Variants in AGAP1 observed in about 807,000 individuals in gnomAD.
AGAP1 encodes ArfGAP with GTPase domain, ankyrin repeat and PH domain 1.
A neutral mutation model predicts 105.3 loss-of-function variants in AGAP1; 29 were observed. The observed-to-expected ratio is 0.28, with a 90% CI of 0.21 to 0.38. The LOEUF is 0.38. Among genes scored for constraint, AGAP1 ranks in the 10% least tolerant of loss-of-function variants. The probability of loss-of-function intolerance (pLI) is 1.00; values close to 1 mark genes in which losing one functional copy is unlikely to be tolerated. For missense variants in AGAP1, 998 were observed against 1,165.1 expected (o/e 0.86, Z 2.09); for synonymous variants, 509 against 485.9 (o/e 1.05, Z -0.63).
At position 235,788,048 on chromosome 2, in the gene AGAP1, C is replaced by T. The variant is rs993823297; in HGVS notation, c.674-9711C>T. 2.0e-5 allele frequency among the ~76,000 whole-genome samples: 3 copies of T among 152,166 alleles called. No homozygotes were observed. Among genetic ancestry groups the T allele is most frequent in the African/African-American group, 2.4e-5 (1 of 41,446 alleles). ...GACCTTCCTAGGCCATTGGCATCAA[C>T]GCTGCAGCCTCTGAGTCATGCATGC... On this transcript the variant is annotated intron_variant, in intron 6 of 17. Transcript: ENST00000304032. The surrounding 1 kb of genome is among the most constrained non-coding windows in gnomAD (Gnocchi z 6.0).
At chr2:235,807,665 G>A (rs1233925995) in intron 9 of AGAP1, among the ~76,000 whole-genome samples, 8 of 152,192 alleles carry the variant, frequency 5.3e-5, no homozygotes, top group Admixed American at 5.2e-4. Context: ...AACTCAGATC[G>A]CCTACAAGAG....
At chr2:235,679,075 C>G (rs1190923538) in intron 1 of AGAP1, among the ~76,000 whole-genome samples, 1 of 152,186 alleles carries the variant, frequency 6.6e-6, no homozygotes, top group African/African-American at 2.4e-5. Context: ...GAATGCTTTT[C>G]TGTTGGTTGT....
In AGAP1 at chr2:235,586,454, C is replaced by T. The variant is rs1945115492; in HGVS notation, c.163+91605C>T. On this transcript the variant is annotated intron_variant, in intron 1 of 17. Coordinates refer to ENST00000304032, the MANE Select transcript of AGAP1 (RefSeq NM_001037131.3). The surrounding 1 kb of genome is among the most constrained non-coding windows in gnomAD (Gnocchi z 4.2). ...TCCCCTGTGGAAGGCAAGGTGGAGG[C>T]AGCTGTTATGTGGTGTGTTGGATTC... Among the ~76,000 whole-genome samples the T allele has an allele frequency of 6.6e-6, 1 of 152,208 alleles. No homozygotes were observed.
chr2:236,058,993 A>G lies in AGAP1; in HGVS notation c.2114+9712A>G, dbSNP rs1049100138. On this transcript the variant is annotated intron_variant, in intron 16 of 17. Coordinates refer to ENST00000304032, the MANE Select transcript of AGAP1 (RefSeq NM_001037131.3). The surrounding 1 kb of genome is among the most constrained non-coding windows in gnomAD (Gnocchi z 4.6). ...TGCAGTGGGCCACAATCGCACCACC[A>G]CTTTCCAGCCTGGGGAACAGAGCAA... Among the ~76,000 whole-genome samples, 2 of 152,016 alleles carry G rather than the reference A, an allele frequency of 1.3e-5. No homozygotes were observed. The highest frequency in any genetic ancestry group is 2.4e-5 in the African/African-American group (1 of 41,362).
In AGAP1 at chr2:236,095,134, C is replaced by T. The variant is rs2059160769; in HGVS notation, c.2115-25058C>T. Among the ~76,000 whole-genome samples the T allele has an allele frequency of 1.3e-5, 2 of 150,774 alleles. No homozygotes were observed. The highest frequency in any genetic ancestry group is 3.0e-5 in the Non-Finnish European group (2 of 67,772). On this transcript the variant is annotated intron_variant, in intron 16 of 17. Transcript: ENST00000304032. The surrounding 1 kb of genome is among the most constrained non-coding windows in gnomAD (Gnocchi z 4.1). ...GGGGCAGGGCAGGCGTGGTGGTTGA[C>T]GCCTGTAATTCCAACACTTCGGGAG... is the stretch of plus-strand genomic sequence containing the variant.
chr2:235,934,865 G>A lies in AGAP1; in HGVS notation c.1483+3942G>A, dbSNP rs1043287933. On this transcript the variant is annotated intron_variant, in intron 12 of 17. Transcript: ENST00000304032. The surrounding 1 kb of genome is among the most constrained non-coding windows in gnomAD (Gnocchi z 4.9). Reference sequence around the variant, plus strand: ...TCTTACTCTAAAACATAATAATCACGGCAACATTGGGATTCACTGTTTCTC... The same window carrying A: ...TCTTACTCTAAAACATAATAATCACAGCAACATTGGGATTCACTGTTTCTC... Among the ~76,000 whole-genome samples, 3 of 152,010 alleles carry A rather than the reference G, an allele frequency of 2.0e-5. No homozygotes were observed. The highest frequency in any genetic ancestry group is 2.9e-5 in the Non-Finnish European group (2 of 67,996).
Position 236,128,075 on chromosome 2 carries a change from AC to A in AGAP1, c.*3965del, listed in dbSNP as rs34549453. On this transcript the variant is annotated 3_prime_UTR_variant, in exon 18 of 18. Transcript: ENST00000304032. The surrounding 1 kb of genome is among the most constrained non-coding windows in gnomAD (Gnocchi z 5.9). ...GAGGCTGTGATGGGCACGTTTGCCA[AC>A]CCCCCCCCCCCAGTAGAGCCCAGGA... 0.17 allele frequency: 21,481 copies of A among 128,454 alleles called. 1,722 individuals carry two copies. Among genetic ancestry groups the A allele is most frequent in the Middle Eastern group, 0.25 (60 of 240 alleles). 8.0% of individuals were successfully genotyped at this position (128,454 alleles called of 1,614,324 possible).
intron 1 of AGAP1, among the ~76,000 whole-genome samples, chr2:235,499,087 C>T (rs1941448427): frequency 6.6e-6 from 1 of 152,188 alleles, no homozygotes; most frequent in Admixed American, 6.5e-5. Context: ...CACAGACGCA[C>T]TGCTGAGGCC....
At chr2:235,907,817 C>T (rs1288267170) in intron 10 of AGAP1, among the ~76,000 whole-genome samples, 4 of 152,004 alleles carry the variant, frequency 2.6e-5, no homozygotes, top group African/African-American at 7.2e-5. Context: ...GCAATATTTT[C>T]TTATTTGTAT....
intron 12 of AGAP1, among the ~76,000 whole-genome samples, chr2:235,932,739 T>G (rs1405114411): frequency 3.3e-5 from 5 of 152,226 alleles, no homozygotes; most frequent in Non-Finnish European, 5.9e-5. Flanking sequence ...TAACTTTCCC[T>G]CTACTGAATA....
chr2:235,661,348 T>A (rs1478607351), intron 1 of AGAP1, among the ~76,000 whole-genome samples: 1 of 151,600 alleles, frequency 6.6e-6, no homozygotes, highest in Admixed American at 6.6e-5. Flanking sequence ...GGAAAGGCGG[T>A]GATTGTGATT....
At position 235,728,731 on chromosome 2, in the gene AGAP1, A is replaced by G. The variant is rs74684145; in HGVS notation, c.310+11087A>G. Reference sequence around the variant, plus strand: ...ACCATAAGCAAGAAGGAAAAAATCAACACTTGCTCTTTGAAGGCCAAATAC... The same window carrying G: ...ACCATAAGCAAGAAGGAAAAAATCAGCACTTGCTCTTTGAAGGCCAAATAC... On this transcript the variant is annotated intron_variant, in intron 3 of 17. Coordinates refer to ENST00000304032, the MANE Select transcript of AGAP1 (RefSeq NM_001037131.3). This position sits in a 1 kb window ranked among gnomAD's most constrained non-coding sequence, Gnocchi z 4.3. Among the ~76,000 whole-genome samples, 3,603 of 152,260 alleles carry G rather than the reference A, an allele frequency of 0.024. 140 individuals carry two copies. The highest frequency in any genetic ancestry group is 0.075 in the African/African-American group (3,103 of 41,528).
At chr2:235,643,743 T>G (rs1182135810) in intron 1 of AGAP1, among the ~76,000 whole-genome samples, 1 of 151,974 alleles carries the variant, frequency 6.6e-6, no homozygotes, top group African/African-American at 2.4e-5. Flanking sequence ...TCTCTTCCCT[T>G]GAATAGGAAG....
At position 236,045,389 on chromosome 2, in the gene AGAP1, G is replaced by A. The variant is rs945960454; in HGVS notation, c.1892-3670G>A. Among the ~76,000 whole-genome samples the A allele has an allele frequency of 1.3e-4, 20 of 152,220 alleles. No homozygotes were observed. The highest frequency in any genetic ancestry group is 4.8e-4 in the African/African-American group (20 of 41,456). ...GTAATTACAGCCAACACCTAACACT[G>A]TACTTCCCGTGGGGCAGTCACTGCT... On this transcript the variant is annotated intron_variant, in intron 15 of 17. Transcript: ENST00000304032. This position sits in a 1 kb window ranked among gnomAD's most constrained non-coding sequence, Gnocchi z 6.9.
intron 9 of AGAP1, among the ~76,000 whole-genome samples, chr2:235,850,577 GGT>G (rs2048398095): frequency 6.6e-6 from 1 of 152,210 alleles, no homozygotes; most frequent in African/African-American, 2.4e-5. Flanking sequence ...ATGAGGGTGC[GGT>G]GTTGCTTCTT....
chr2:236,079,271 G>GTGGGAGGC (rs778533714), intron 16 of AGAP1, among the ~76,000 whole-genome samples: 3,255 of 151,786 alleles, frequency 0.021, 51 homozygotes, highest in African/African-American at 0.045. Context: ...TGTAATCCCA[G>GTGGGAGGC]CACTTTGGGA....
intron 13 of AGAP1, among the ~76,000 whole-genome samples, chr2:236,034,819 T>C (rs1161802731): frequency 6.6e-6 from 1 of 152,176 alleles, no homozygotes. Flanking sequence ...ACAGTGGCTG[T>C]CAGCACCTAG....
chr2:235,765,877 CA>C (rs1420898265), intron 6 of AGAP1, among the ~76,000 whole-genome samples: 1 of 152,182 alleles, frequency 6.6e-6, no homozygotes, highest in Non-Finnish European at 1.5e-5. Context: ...ATGAAAAGTC[CA>C]AGGTAGTGCT....
At chr2:236,081,762 T>C (rs760098461) in intron 16 of AGAP1, among the ~76,000 whole-genome samples, 3 of 151,510 alleles carry the variant, frequency 2.0e-5, no homozygotes, top group African/African-American at 7.3e-5. Flanking sequence ...ATTTTGAACA[T>C]GAAAATTGTT....
Sources: gnomAD v4.1 joint callset for allele counts (sites outside exome capture counted in the v4.1 genomes callset) on GRCh38, gnomAD v4.1.1 for gene constraint, Gnocchi (gnomAD v3.1) non-coding constraint, MANE v1.5 for transcripts, NCBI Gene and HGNC (gene_info 2026-07-23, HGNC 2026-07-21) for gene names.